The following SNCAIP variants were observed in gnomAD, a reference collection of about 807,000 sequenced individuals.
SNCAIP encodes synphilin-1.
SNCAIP carries 43 observed loss-of-function variants against 86.7 expected under a neutral mutation model. That is an observed-to-expected ratio of 0.50 (90% confidence interval 0.39 to 0.64). The LOEUF is 0.64. Ranked by LOEUF, SNCAIP falls within the 30% of genes least tolerant of loss-of-function variation. The pLI, the probability that SNCAIP is intolerant of heterozygous loss-of-function variation, is 0.00. For missense variants in SNCAIP, 981 were observed against 1,103.1 expected, an observed-to-expected ratio of 0.89 and a Z score of 1.57; for synonymous variants, 417 against 427.2, an observed-to-expected ratio of 0.98 and a Z score of 0.29.
chr5:122,399,483 A>C (rs905859686), intron 2 of SNCAIP, among the ~76,000 whole-genome samples: 2 of 152,192 alleles, frequency 1.3e-5, no homozygotes, highest in African/African-American at 4.8e-5. Flanking sequence ...ATATATTAAG[A>C]ATTTTTAAAT....
At chr5:122,362,884 C>T (rs1222819486) in intron 1 of SNCAIP, among the ~76,000 whole-genome samples, 1 of 152,084 alleles carries the variant, frequency 6.6e-6, no homozygotes, top group Non-Finnish European at 1.5e-5. Context: ...CTGAAAAGTT[C>T]CATAGGGGCT....
chr5:122,331,515 A>G (rs542772008), intron 1 of SNCAIP, among the ~76,000 whole-genome samples: 3 of 152,350 alleles, frequency 2.0e-5, no homozygotes, highest in East Asian at 3.9e-4. Context: ...TGACCTTCCT[A>G]GTTTTTTCAG....
At chr5:122,443,647 CT>C in intron 7 of SNCAIP, 1 of 456,876 alleles carries the variant, frequency 2.2e-6, no homozygotes, top group South Asian at 1.5e-5. Flanking sequence ...TCCTATCCCC[CT>C]ATCTCTTCTG....
At chr5:122,417,007 A>T (rs1775446014) in intron 3 of SNCAIP, among the ~76,000 whole-genome samples, 1 of 152,192 alleles carries the variant, frequency 6.6e-6, no homozygotes, top group Admixed American at 6.5e-5. Context: ...GTAGGGGAAC[A>T]CTACTTTATC....
intron 6 of SNCAIP, among the ~76,000 whole-genome samples, chr5:122,433,112 A>AGTGTGTGTGTGT (rs34711914): frequency 1.7e-3 from 245 of 147,816 alleles, no homozygotes; most frequent in African/African-American, 5.2e-3. Flanking sequence ...AACTTCTAGT[A>AGTGTGTGTGTGT]GTGTGTGTGT....
intron 3 of SNCAIP, among the ~76,000 whole-genome samples, chr5:122,417,624 T>C (rs944578780): frequency 6.6e-6 from 1 of 152,150 alleles, no homozygotes; most frequent in Non-Finnish European, 1.5e-5. Flanking sequence ...TATACTTTTC[T>C]TCTTTGGTTT....
At chr5:122,355,961 G>C (rs1760918076) in intron 1 of SNCAIP, among the ~76,000 whole-genome samples, 1 of 152,098 alleles carries the variant, frequency 6.6e-6, no homozygotes, top group South Asian at 2.1e-4. Flanking sequence ...TCTCCTGTTA[G>C]ATACCATTTG....
At chr5:122,391,523 G>A (rs1433723473) in intron 2 of SNCAIP, among the ~76,000 whole-genome samples, 1 of 152,136 alleles carries the variant, frequency 6.6e-6, no homozygotes, top group South Asian at 2.1e-4. Flanking sequence ...TCTCTTATGT[G>A]GCTGGCTATT....
intron 1 of SNCAIP, among the ~76,000 whole-genome samples, chr5:122,345,645 A>G (rs1020193321): frequency 2.0e-5 from 3 of 151,948 alleles, no homozygotes; most frequent in Non-Finnish European, 4.4e-5. Context: ...GCCATATTTT[A>G]TCCCTCCTGG....
intron 6 of SNCAIP, chr5:122,436,807 G>C (rs1227555063): frequency 6.6e-6 from 1 of 152,136 alleles, no homozygotes; most frequent in Non-Finnish European, 1.5e-5. Flanking sequence ...AATCACATGA[G>C]ATAATTGCCT....
intron 5 of SNCAIP, 89 bp downstream of exon 5, chr5:122,425,620 AG>A: frequency 9.2e-7 from 1 of 1,082,870 alleles, no homozygotes. Flanking sequence ...TGGAAGGGAG[AG>A]AAGAGAGTGA....
chr5:122,384,980 C>T (rs998374276), intron 1 of SNCAIP, among the ~76,000 whole-genome samples: 3 of 152,182 alleles, frequency 2.0e-5, no homozygotes, highest in African/African-American at 7.2e-5. Context: ...AGAATTCTCA[C>T]TTCCAGGCCT....
intron 1 of SNCAIP, among the ~76,000 whole-genome samples, chr5:122,351,391 G>A (rs1759742862): frequency 6.6e-6 from 1 of 151,734 alleles, no homozygotes; most frequent in African/African-American, 2.4e-5. Context: ...ACAAAAATTA[G>A]TCAGGCATGG....
chr5:122,408,300 C>G (rs530663162), intron 3 of SNCAIP, among the ~76,000 whole-genome samples: 3 of 152,174 alleles, frequency 2.0e-5, no homozygotes, highest in East Asian at 1.9e-4. Flanking sequence ...CTGCCTGCTT[C>G]CTGAGTGTCC....
chr5:122,458,349 AC>A (rs1427120470), intron 10 of SNCAIP, among the ~76,000 whole-genome samples: 2 of 151,348 alleles, frequency 1.3e-5, no homozygotes, highest in African/African-American at 4.9e-5. Flanking sequence ...TCACTTCTCC[AC>A]CCCCACCCTC....
At chr5:122,381,771 T>C (rs1345750859) in intron 1 of SNCAIP, among the ~76,000 whole-genome samples, 2 of 152,154 alleles carry the variant, frequency 1.3e-5, no homozygotes, top group African/African-American at 4.8e-5. Context: ...TGCTTGTCTG[T>C]AAAGTATTTT....
At chr5:122,419,391 T>C (rs1273561574) in intron 3 of SNCAIP, among the ~76,000 whole-genome samples, 3 of 152,300 alleles carry the variant, frequency 2.0e-5, no homozygotes, top group Admixed American at 1.3e-4. Context: ...GTCAGCTAGA[T>C]CCGAAGAGAT....
chr5:122,411,191 G>C (rs1311919751), intron 3 of SNCAIP, among the ~76,000 whole-genome samples: 3 of 152,208 alleles, frequency 2.0e-5, no homozygotes, highest in African/African-American at 7.2e-5. Flanking sequence ...AAAATGGGAA[G>C]TCCAGAGAGG....
intron 1 of SNCAIP, among the ~76,000 whole-genome samples, chr5:122,357,620 T>C (rs1275913755): frequency 6.6e-6 from 1 of 151,754 alleles, no homozygotes; most frequent in Non-Finnish European, 1.5e-5. Context: ...AAGCCTTCTT[T>C]TTTTTTTTTT....
Sources: allele counts gnomAD v4.1 joint callset (sites outside exome capture counted in the v4.1 genomes callset), GRCh38; gene constraint gnomAD v4.1.1; transcripts MANE v1.5; gene names NCBI Gene and HGNC (gene_info 2026-07-23, HGNC 2026-07-21).